TARBP1: variants seen among roughly 807,000 people sequenced by gnomAD.
TARBP1 encodes the protein tRNA (guanosine(18)-2'-O)-methyltransferase TARBP1.
A neutral mutation model predicts 178.6 loss-of-function variants in TARBP1; 144 were observed. That is an observed-to-expected ratio of 0.81 (90% CI 0.70 to 0.93). The LOEUF is 0.93. Among genes scored for constraint, TARBP1 ranks in the 40% least tolerant of loss-of-function variants. TARBP1 has a pLI of 0.00. For missense variants in TARBP1, 2,067 were observed against 2,011.7 expected (o/e 1.03, Z -0.53); for synonymous variants, 787 against 781.0 (o/e 1.01, Z -0.13).
intron 13 of TARBP1, among the ~76,000 whole-genome samples, chr1:234,435,560 T>C (rs1041215792): frequency 6.6e-5 from 10 of 152,132 alleles, no homozygotes; most frequent in African/African-American, 2.4e-4. Flanking sequence ...AAAGTAGTAG[T>C]TGAAAACACA....
At chr1:234,455,265 G>A (rs892933458) in intron 9 of TARBP1, among the ~76,000 whole-genome samples, 1 of 152,144 alleles carries the variant, frequency 6.6e-6, no homozygotes, top group East Asian at 1.9e-4. Flanking sequence ...GGGAAACTGG[G>A]CAATCCCCAG....
chr1:234,475,605 G>C (rs1434495691), intron 1 of TARBP1, among the ~76,000 whole-genome samples: 2 of 152,226 alleles, frequency 1.3e-5, no homozygotes, highest in Non-Finnish European at 2.9e-5. Context: ...TGGAGGCAAC[G>C]ATTATTGCCA....
At position 234,401,789 on chromosome 1, in the gene TARBP1, C is replaced by T. The variant is rs562085601; in HGVS notation, c.3990-527G>A. Among the ~76,000 whole-genome samples, 43 of 152,286 alleles carry T rather than the reference C, an allele frequency of 2.8e-4. 1 individual carries two copies. The highest frequency in any genetic ancestry group is 9.9e-4 in the African/African-American group (41 of 41,550). ...TGGCAAGATCACGCTCCTGCCCTGACCAGTGTGTCTTCTTCACTCCCTGGA... is the reference window on the plus strand; with the variant it reads ...TGGCAAGATCACGCTCCTGCCCTGATCAGTGTGTCTTCTTCACTCCCTGGA... On this transcript the variant is annotated intron_variant, in intron 24 of 29. Transcript: ENST00000040877.
intron 1 of TARBP1, among the ~76,000 whole-genome samples, chr1:234,473,822 A>G (rs1220412543): frequency 6.6e-6 from 1 of 152,236 alleles, no homozygotes; most frequent in Non-Finnish European, 1.5e-5. Context: ...CAAGACCAAA[A>G]CAAATGGAGT....
chr1:234,428,449 C>A (rs1426220477), intron 17 of TARBP1, among the ~76,000 whole-genome samples: 1 of 152,176 alleles, frequency 6.6e-6, no homozygotes, highest in Non-Finnish European at 1.5e-5. Flanking sequence ...ATGCCAACTC[C>A]TACTCAACCG....
chr1:234,430,020 T>A, intron 15 of TARBP1, 67 bp downstream of exon 15: 1 of 1,435,726 alleles, frequency 7.0e-7, no homozygotes, highest in Non-Finnish European at 9.6e-7. Flanking sequence ...ATAAGCAATG[T>A]TGGGCAATCA....
rs571419636 is a variant in TARBP1, at chr1:234,435,010, A to C, written c.2233-1439T>G. Among the ~76,000 whole-genome samples, 10 of 152,318 alleles carry C rather than the reference A, an allele frequency of 6.6e-5. No individual in the cohort carries two copies. In the East Asian group the frequency reaches 1.7e-3, roughly 26 times the overall value. ...TGGAAAGTATCCATTAAGTTTATGAAAAAGAGTCGCTGACATCTTTAGTGA... is the reference window on the plus strand; with the variant it reads ...TGGAAAGTATCCATTAAGTTTATGACAAAGAGTCGCTGACATCTTTAGTGA... On this transcript the variant is annotated intron_variant, in intron 13 of 29. Coordinates refer to ENST00000040877, the MANE Select transcript of TARBP1 (RefSeq NM_005646.4).
intron 11 of TARBP1, 102 bp downstream of exon 11, chr1:234,448,378 T>C (rs1400851745): frequency 2.1e-6 from 2 of 948,482 alleles, no homozygotes; most frequent in African/African-American, 3.3e-5. Context: ...CCTTGACACC[T>C]TGTGGTCAAC....
At position 234,429,321 on chromosome 1, in the gene TARBP1, G is replaced by A. The variant is rs775586213; in HGVS notation, c.2875C>T (p.Leu959=). The A allele has an allele frequency of 1.3e-6, 2 of 1,569,440 alleles. No homozygotes were observed. The highest frequency in any genetic ancestry group is 1.7e-6 in the Non-Finnish European group (2 of 1,165,770). The change falls in exon 17 of 30, where the codon CTG becomes TTG. Residue 959 remains leucine, a synonymous_variant. Coordinates refer to ENST00000040877, the MANE Select transcript of TARBP1 (RefSeq NM_005646.4). ...ATGCAGAGTGATTCAGAGGAAGTCA[G>A]AAGCTGGTAGGAAAAAAAAAAATAC... ...HCLKVLVPKL[L]TSSESLCIES... is the part of the protein sequence containing the mutation.
chr1:234,460,094 A>C (rs1277057059), intron 7 of TARBP1, among the ~76,000 whole-genome samples, 167 bp downstream of exon 7: 1 of 152,202 alleles, frequency 6.6e-6, no homozygotes, highest in Non-Finnish European at 1.5e-5. Context: ...AACTATACGA[A>C]TAATACATTT....
chr1:234,468,318 G>A (rs1668664507), intron 3 of TARBP1, among the ~76,000 whole-genome samples: 1 of 152,074 alleles, frequency 6.6e-6, no homozygotes, highest in Non-Finnish European at 1.5e-5. Context: ...GCCAGGCATG[G>A]TGGTGTATGC....
intron 24 of TARBP1, 77 bp downstream of exon 24, chr1:234,405,826 C>T: frequency 2.2e-6 from 3 of 1,369,708 alleles, no homozygotes; most frequent in Non-Finnish European, 3.0e-6. Context: ...GAAGCTGACA[C>T]AGTATGGGCA....
At chr1:234,476,721 C>A (rs375493770) in intron 1 of TARBP1, among the ~76,000 whole-genome samples, 1 of 152,152 alleles carries the variant, frequency 6.6e-6, no homozygotes, top group Non-Finnish European at 1.5e-5. Flanking sequence ...ACACATTTAA[C>A]CAAAATTTTA....
intron 13 of TARBP1, among the ~76,000 whole-genome samples, chr1:234,434,191 T>C (rs1264208463): frequency 6.6e-6 from 1 of 152,214 alleles, no homozygotes; most frequent in Non-Finnish European, 1.5e-5. Context: ...TGTGCCATAA[T>C]TGTGCTGAAT....
rs1156844791 is a variant in TARBP1 at position 234,478,212 on chromosome 1, G to A, written c.892C>T (p.Leu298=). ...GGCCCGCAGGTGCAGTCGGCCCCCA[G>A]CTCCGCCGACACCTCCACCGCCCTC... is the stretch of plus-strand genomic sequence containing the variant. ...LQRAVEVSAE[L]GADCTCGPQE... Residue 298 remains leucine (L), a synonymous_variant, in exon 1 of 30, where the codon CTG becomes TTG. Transcript: ENST00000040877. The A allele has an allele frequency of 6.2e-7, 1 of 1,611,834 alleles. No homozygotes were observed. The highest frequency in any genetic ancestry group is 1.1e-5 in the South Asian group (1 of 90,942).
At chr1:234,442,063 C>CA (rs35226731) in intron 12 of TARBP1, among the ~76,000 whole-genome samples, 5 of 151,604 alleles carry the variant, frequency 3.3e-5, no homozygotes, top group East Asian at 1.9e-4. Context: ...CCAGCAAAGG[C>CA]AAAAAAAACT....
intron 9 of TARBP1, among the ~76,000 whole-genome samples, chr1:234,454,961 A>C (rs190375736): frequency 2.1e-3 from 325 of 152,316 alleles, no homozygotes; most frequent in Middle Eastern, 6.8e-3. Context: ...TGGCCACAGA[A>C]ACAGAAGAGA....
intron 23 of TARBP1, among the ~76,000 whole-genome samples, chr1:234,408,710 G>A (rs372240998): frequency 6.6e-6 from 1 of 151,862 alleles, no homozygotes; most frequent in East Asian, 1.9e-4. Flanking sequence ...TTTCATCTCC[G>A]ACCCAACCAA....
intron 1 of TARBP1, among the ~76,000 whole-genome samples, chr1:234,475,715 C>T (rs1463416748): frequency 6.6e-6 from 1 of 152,230 alleles, no homozygotes; most frequent in African/African-American, 2.4e-5. Flanking sequence ...AAAGCCCCTG[C>T]CTCATCTCTT....
Sources: allele counts gnomAD v4.1 joint callset (sites outside exome capture counted in the v4.1 genomes callset), GRCh38; gene constraint gnomAD v4.1.1; transcripts MANE v1.5; gene names NCBI Gene and HGNC (gene_info 2026-07-23, HGNC 2026-07-21).